NKAIN2: variants seen among roughly 807,000 people sequenced by gnomAD.
The protein encoded by NKAIN2 is sodium/potassium-transporting ATPase subunit beta-1-interacting protein 2.
A neutral mutation model predicts 32.6 loss-of-function variants in NKAIN2; 14 were observed. That is an observed-to-expected ratio of 0.43 (90% confidence interval 0.28 to 0.67). NKAIN2 has a LOEUF of 0.67. Ranked by LOEUF, NKAIN2 falls within the 30% of genes least tolerant of loss-of-function variation. NKAIN2 has a pLI of 0.17. For missense variants in NKAIN2, 198 were observed against 258.3 expected, an observed-to-expected ratio of 0.77 and a Z score of 1.60; for synonymous variants, 80 against 87.2, an observed-to-expected ratio of 0.92 and a Z score of 0.46.
chr6:124,637,323 A>C (rs1783809122), intron 3 of NKAIN2, among the ~76,000 whole-genome samples: 1 of 152,054 alleles, frequency 6.6e-6, no homozygotes, highest in African/African-American at 2.4e-5. Context: ...TCCTCTAAAA[A>C]ACTGAAACAA....
At chr6:124,805,611 C>G (rs1296651496) in intron 5 of NKAIN2, among the ~76,000 whole-genome samples, 1 of 152,206 alleles carries the variant, frequency 6.6e-6, no homozygotes, top group Non-Finnish European at 1.5e-5. Context: ...GATCGCAGTT[C>G]CTCACCAGCA....
intron 3 of NKAIN2, among the ~76,000 whole-genome samples, chr6:124,551,169 T>C (rs1046260200): frequency 1.3e-5 from 2 of 152,192 alleles, no homozygotes; most frequent in Admixed American, 6.5e-5. Flanking sequence ...GTCAGTGTTT[T>C]AGTGATGTAA....
intron 4 of NKAIN2, among the ~76,000 whole-genome samples, chr6:124,678,923 G>C (rs557974043): frequency 1.3e-5 from 2 of 152,134 alleles, no homozygotes; most frequent in African/African-American, 2.4e-5. Context: ...CTCTGGACTA[G>C]TGTGTGTAAA....
At chr6:124,543,412 A>C (rs931362857) in intron 3 of NKAIN2, among the ~76,000 whole-genome samples, 1 of 152,178 alleles carries the variant, frequency 6.6e-6, no homozygotes, top group African/African-American at 2.4e-5. Context: ...TCTTCATTGT[A>C]ATAAGAAAAC....
chr6:123,938,510 AT>A (rs935474570), intron 1 of NKAIN2, among the ~76,000 whole-genome samples: 13 of 136,512 alleles, frequency 9.5e-5, no homozygotes, highest in Non-Finnish European at 1.9e-4. Context: ...TATATAATAT[AT>A]TATATATATT....
chr6:124,362,927 C>T (rs1286148693), intron 3 of NKAIN2, among the ~76,000 whole-genome samples: 1 of 152,060 alleles, frequency 6.6e-6, no homozygotes, highest in African/African-American at 2.4e-5. Flanking sequence ...CTCCGCCTCC[C>T]AGGTTCAAGT....
At chr6:124,617,096 T>G (rs1158384781) in intron 3 of NKAIN2, among the ~76,000 whole-genome samples, 1 of 152,230 alleles carries the variant, frequency 6.6e-6, no homozygotes, top group East Asian at 1.9e-4. Flanking sequence ...ATCTGAATAT[T>G]AGTTTTATTA....
chr6:124,278,097 C>T (rs991534893), intron 1 of NKAIN2, among the ~76,000 whole-genome samples: 1 of 151,958 alleles, frequency 6.6e-6, no homozygotes, highest in East Asian at 1.9e-4. Flanking sequence ...CAGGTCTTAC[C>T]AGTTGAGGAA....
chr6:124,543,562 G>A (rs1030679626), intron 3 of NKAIN2, among the ~76,000 whole-genome samples: 1 of 152,022 alleles, frequency 6.6e-6, no homozygotes, highest in African/African-American at 2.4e-5. Flanking sequence ...TGTATAATAA[G>A]GTGTTAAATT....
chr6:124,321,088 C>T (rs1057237406), intron 2 of NKAIN2, among the ~76,000 whole-genome samples: 17 of 152,116 alleles, frequency 1.1e-4, no homozygotes, highest in African/African-American at 3.9e-4. Context: ...ATTTCTTGGG[C>T]ATTTCATGAA....
chr6:123,885,389 A>G (rs1275538252), intron 1 of NKAIN2, among the ~76,000 whole-genome samples: 1 of 152,102 alleles, frequency 6.6e-6, no homozygotes, highest in African/African-American at 2.4e-5. Context: ...CCTCTACAAT[A>G]ACTGTATTTC....
intron 1 of NKAIN2, among the ~76,000 whole-genome samples, chr6:123,965,602 A>T (rs1008566754): frequency 6.6e-6 from 1 of 152,084 alleles, no homozygotes; most frequent in African/African-American, 2.4e-5. Flanking sequence ...ACCAAACTAG[A>T]CTACTGCTTT....
intron 1 of NKAIN2, among the ~76,000 whole-genome samples, chr6:123,870,919 A>G (rs572480776): frequency 6.6e-6 from 1 of 151,884 alleles, no homozygotes; most frequent in East Asian, 1.9e-4. Context: ...TTTTAATATA[A>G]TCTCCTCTCT....
At chr6:124,539,996 T>C (rs1466881900) in intron 3 of NKAIN2, among the ~76,000 whole-genome samples, 2 of 152,178 alleles carry the variant, frequency 1.3e-5, no homozygotes, top group Admixed American at 1.3e-4. Context: ...GCTAGGATTA[T>C]AGGCGTGAGC....
At chr6:124,125,301 T>G (rs1388939230) in intron 1 of NKAIN2, among the ~76,000 whole-genome samples, 1 of 152,210 alleles carries the variant, frequency 6.6e-6, no homozygotes, top group Non-Finnish European at 1.5e-5. Context: ...ACTGTGGATG[T>G]GGATTATTTC....
intron 1 of NKAIN2, among the ~76,000 whole-genome samples, chr6:124,151,083 T>G (rs138907482): frequency 6.6e-6 from 1 of 152,088 alleles, no homozygotes; most frequent in Non-Finnish European, 1.5e-5. Flanking sequence ...TTAATCAGCA[T>G]AACTCCTCTG....
At chr6:124,655,585 G>T (rs1784512064) in intron 3 of NKAIN2, among the ~76,000 whole-genome samples, 1 of 151,870 alleles carries the variant, frequency 6.6e-6, no homozygotes, top group African/African-American at 2.4e-5. Context: ...CAAGGACAAG[G>T]GACTTTCATT....
At chr6:124,815,250 GTATA>G (rs543791725) in intron 5 of NKAIN2, among the ~76,000 whole-genome samples, 1 of 88,414 alleles carries the variant, frequency 1.1e-5, no homozygotes, top group Non-Finnish European at 2.9e-5. Flanking sequence ...ATGTATATAT[GTATA>G]TATATATGTG....
rs567142300 is a variant in NKAIN2 at position 124,246,928 on chromosome 6, G to A, written c.55-36077G>A. On this transcript the variant is annotated intron_variant, in intron 1 of 6. Transcript: ENST00000368417. The stretch of plus-strand genomic sequence containing the variant: ...AGGTGTCCCACTGGGCTACAACCAA[G>A]ATGTTTACAGGACGGTATGCCTTTT... Among the ~76,000 whole-genome samples the A allele has an allele frequency of 2.1e-4, 32 of 152,204 alleles. No homozygotes were observed. In the South Asian group the frequency reaches 6.4e-3, roughly 31 times the overall value.
Sources: gnomAD v4.1 joint callset for allele counts (sites outside exome capture counted in the v4.1 genomes callset) on GRCh38, gnomAD v4.1.1 for gene constraint, MANE v1.5 for transcripts, NCBI Gene and HGNC (gene_info 2026-07-23, HGNC 2026-07-21) for gene names.